SLC4A4: variants seen among roughly 807,000 people sequenced by gnomAD.
SLC4A4 encodes electrogenic sodium bicarbonate cotransporter 1.
In SLC4A4, 27 loss-of-function variants were observed where a neutral mutation model predicts 111.5. That is an observed-to-expected ratio of 0.24 (90% CI 0.18 to 0.33). The LOEUF is 0.33. Ranked by LOEUF, SLC4A4 falls within the 10% of genes least tolerant of loss-of-function variation. The probability of loss-of-function intolerance (pLI) is 1.00; values close to 1 mark genes in which losing one functional copy is unlikely to be tolerated. For missense variants in SLC4A4, 909 were observed against 1,315.5 expected (o/e 0.69, Z 4.78); for synonymous variants, 443 against 463.4 (o/e 0.96, Z 0.57).
chr4:71,460,550 T>C (rs1425555141), intron 12 of SLC4A4, among the ~76,000 whole-genome samples: 1 of 152,176 alleles, frequency 6.6e-6, no homozygotes, highest in Admixed American at 6.6e-5. Flanking sequence ...TCCTTGCTTA[T>C]GACGACAAAG....
chr4:71,534,805 G>T (rs1299317442), intron 18 of SLC4A4, among the ~76,000 whole-genome samples: 2 of 152,078 alleles, frequency 1.3e-5, no homozygotes, highest in African/African-American at 4.8e-5. Context: ...ATAGTTCATG[G>T]TTGTAAGCTG....
chr4:71,356,187 A>G (rs1383965562), intron 5 of SLC4A4, among the ~76,000 whole-genome samples: 5 of 152,136 alleles, frequency 3.3e-5, no homozygotes, highest in African/African-American at 4.8e-5. Flanking sequence ...AGGGTTTCTT[A>G]TTTTCTATTG....
At chr4:71,138,083 A>T (rs2148964825) in intron 2 of SLC4A4, among the ~76,000 whole-genome samples, 1 of 152,362 alleles carries the variant, frequency 6.6e-6, no homozygotes, top group East Asian at 1.9e-4. Flanking sequence ...GGTCTCTAAA[A>T]GATAGATTTC....
chr4:71,419,165 C>G (rs1158521431), intron 7 of SLC4A4, among the ~76,000 whole-genome samples: 1 of 152,230 alleles, frequency 6.6e-6, no homozygotes, highest in Admixed American at 6.5e-5. Context: ...CTTGAGGAGG[C>G]AGTCTGCCCG....
In SLC4A4 at chr4:71,451,188, A is replaced by G. The variant is rs2149076529; in HGVS notation, c.1209A>G (p.Arg403=). The change falls in exon 11 of 26, where the codon AGA becomes AGG. Residue 403 remains arginine (R), a splice_region_variant and synonymous_variant. Coordinates refer to ENST00000264485, the MANE Select transcript of SLC4A4 (RefSeq NM_001098484.3). ...PPKSLPSSDK[R]KNMYSGGENV... is the part of the protein sequence containing the mutation. ...TCTTGGGCTCTGTTGTCTTGCTTAG[A>G]AAGAATATGTACTCAGGTGGAGAGA... 1.9e-6 allele frequency: 3 copies of G among 1,586,942 alleles called. No homozygotes were observed. The highest frequency in any genetic ancestry group is 1.3e-5 in the African/African-American group (1 of 74,558).
chr4:71,180,682 T>C (rs1462334108), intron 2 of SLC4A4, among the ~76,000 whole-genome samples: 5 of 152,256 alleles, frequency 3.3e-5, no homozygotes, highest in East Asian at 1.9e-4. Flanking sequence ...ATGGCAATCA[T>C]TAAAAAGTCA....
chr4:71,194,911 A>C (rs1226905915), intron 1 of SLC4A4, among the ~76,000 whole-genome samples: 1 of 152,212 alleles, frequency 6.6e-6, no homozygotes, highest in African/African-American at 2.4e-5. Context: ...ATATGAAAGC[A>C]AACAACATAC....
chr4:71,366,349 G>C (rs930308621), intron 6 of SLC4A4, among the ~76,000 whole-genome samples: 1 of 150,608 alleles, frequency 6.6e-6, no homozygotes, highest in Non-Finnish European at 1.5e-5. Context: ...GTGTGTGTGT[G>C]TGTGTGTATC....
In SLC4A4 at chr4:71,097,974, G is replaced by A. The variant is rs188931329; in HGVS notation, c.-2+5182G>A. 1.9e-3 allele frequency among the ~76,000 whole-genome samples: 286 copies of A among 152,206 alleles called. 2 individuals carry two copies. Among genetic ancestry groups the A allele is most frequent in the African/African-American group, 6.4e-3 (268 of 41,554 alleles). On this transcript the variant is annotated intron_variant, in intron 2 of 26. Transcript: ENST00000649996. ...TTTTCTCCCACTCTGTAGGTTGTTT[G>A]TTTACTCTGTTGATAGTTTATAGTT...
intron 2 of SLC4A4, among the ~76,000 whole-genome samples, chr4:71,174,564 A>G (rs1021701705): frequency 6.6e-6 from 1 of 152,080 alleles, no homozygotes; most frequent in Non-Finnish European, 1.5e-5. Context: ...CCATTTTTTA[A>G]TACAGTATGG....
chr4:71,410,110 A>G (rs541776155), intron 7 of SLC4A4, among the ~76,000 whole-genome samples: 42 of 152,316 alleles, frequency 2.8e-4, no homozygotes, highest in African/African-American at 9.4e-4. Context: ...GCCCTTATGG[A>G]GAACCTCTGT....
At chr4:71,139,811 T>C (rs958141389) in intron 2 of SLC4A4, among the ~76,000 whole-genome samples, 4 of 152,238 alleles carry the variant, frequency 2.6e-5, no homozygotes, top group African/African-American at 9.7e-5. Flanking sequence ...TTTTAGGATA[T>C]CAACCATCTT....
At position 71,357,064 on chromosome 4, in the gene SLC4A4, A is replaced by C; in HGVS notation, c.607A>C (p.Lys203Gln). The change falls in exon 6 of 26, where the codon AAG becomes CAG. Residue 203 changes from lysine to glutamine, a missense_variant. Coordinates refer to ENST00000264485, the MANE Select transcript of SLC4A4 (RefSeq NM_001098484.3). ...CCTATTGAAACCTGAACTTAAGGAT[A>C]AGGTGACCTATACTTTGCTCCGGAA... ...TGLLKPELKD[K>Q]VTYTLLRKHR... 2 of 1,614,150 alleles carry C rather than the reference A, an allele frequency of 1.2e-6. No homozygotes were observed. Among genetic ancestry groups the C allele is most frequent in the Non-Finnish European group, 1.7e-6 (2 of 1,179,996 alleles).
rs1737955862 is a variant in SLC4A4, at chr4:71,572,002, A to G, written c.*4251A>G. 6.6e-6 allele frequency: 1 copy of G among 152,322 alleles called. No individual in the cohort carries two copies. The highest frequency in any genetic ancestry group is 1.5e-5 in the Non-Finnish European group (1 of 67,910). 9.4% of individuals were successfully genotyped at this position (152,322 alleles called of 1,614,324 possible). On this transcript the variant is annotated 3_prime_UTR_variant, in exon 26 of 26. Coordinates refer to ENST00000264485, the MANE Select transcript of SLC4A4 (RefSeq NM_001098484.3). ...TTTCTATTGTGACTTTTATGGAATT[A>G]AGAGATGAAGAAGATGAGATATTTT...
intron 1 of SLC4A4, among the ~76,000 whole-genome samples, chr4:71,225,428 AC>A (rs1718984767): frequency 6.6e-6 from 1 of 152,172 alleles, no homozygotes; most frequent in Non-Finnish European, 1.5e-5. Flanking sequence ...TTTAGCTAGA[AC>A]CTTCAGTTCT....
At chr4:71,427,664 AGAT>A (rs1322915961) in intron 7 of SLC4A4, among the ~76,000 whole-genome samples, 1 of 152,130 alleles carries the variant, frequency 6.6e-6, no homozygotes, top group African/African-American at 2.4e-5. Context: ...TTTATACTCT[AGAT>A]GATATTATCT....
intron 12 of SLC4A4, among the ~76,000 whole-genome samples, chr4:71,455,504 GAGA>G (rs1378518567): frequency 6.6e-6 from 1 of 152,084 alleles, no homozygotes; most frequent in Non-Finnish European, 1.5e-5. Flanking sequence ...AAAAAAAATG[GAGA>G]AGATGGCACT....
At chr4:71,086,657 G>T (rs1358218723) in intron 1 of SLC4A4, among the ~76,000 whole-genome samples, 2 of 152,078 alleles carry the variant, frequency 1.3e-5, no homozygotes, top group East Asian at 1.9e-4. Context: ...CATCTATTGA[G>T]ATAATCGTAT....
chr4:71,352,444 G>A (rs556199150), intron 5 of SLC4A4, among the ~76,000 whole-genome samples: 3 of 152,092 alleles, frequency 2.0e-5, no homozygotes, highest in Non-Finnish European at 4.4e-5. Flanking sequence ...ACTGTGCTCA[G>A]GGTTTGTCCT....
Sources: allele counts gnomAD v4.1 joint callset (sites outside exome capture counted in the v4.1 genomes callset), GRCh38; gene constraint gnomAD v4.1.1; transcripts MANE v1.5; gene names NCBI Gene and HGNC (gene_info 2026-07-23, HGNC 2026-07-21).